Variants in FSHR observed in about 807,000 individuals in gnomAD.
FSHR encodes follicle stimulating hormone receptor.
Under a neutral mutation model 52.1 loss-of-function variants are expected in FSHR, and 46 were observed. The ratio of observed to expected loss-of-function variants is 0.88; its 90% CI spans 0.70 to 1.13. FSHR has a LOEUF of 1.13. FSHR is among the 50% of genes most tolerant of loss of function. The pLI is 0.00. For missense variants in FSHR, 964 were observed against 834.6 expected (o/e 1.16, Z -1.91); for synonymous variants, 399 against 309.6 (o/e 1.29, Z -3.03).
chr2:49,129,878 A>C (rs1672203730), intron 1 of FSHR, among the ~76,000 whole-genome samples: 1 of 152,184 alleles, frequency 6.6e-6, no homozygotes, highest in Admixed American at 6.6e-5. Context: ...AAACTTGATT[A>C]TTTTAAAATG....
At chr2:49,067,664 T>G (rs1423402520) in intron 2 of FSHR, among the ~76,000 whole-genome samples, 1 of 152,060 alleles carries the variant, frequency 6.6e-6, no homozygotes, top group Non-Finnish European at 1.5e-5. Context: ...AAACTCTAAA[T>G]TAGACTAGCG....
chr2:49,048,817 T>A (rs1400194278), intron 2 of FSHR, among the ~76,000 whole-genome samples: 2 of 152,140 alleles, frequency 1.3e-5, no homozygotes, highest in Non-Finnish European at 2.9e-5. Context: ...CCAGGGTGAA[T>A]CTGAGCACTG....
chr2:49,013,583 T>C (rs1667372140), intron 4 of FSHR, among the ~76,000 whole-genome samples: 1 of 147,890 alleles, frequency 6.8e-6, no homozygotes, highest in South Asian at 2.1e-4. Context: ...CAGGTAGAAG[T>C]GCCTTTGGAG....
At position 48,985,754 on chromosome 2, in the gene FSHR, C is replaced by T. The variant is rs950647063; in HGVS notation, c.525-2588G>A. Among the ~76,000 whole-genome samples, 22 of 117,328 alleles carry T rather than the reference C, an allele frequency of 1.9e-4. No individual in the cohort carries two copies. The East Asian group carries it at 2.5e-3, about 13-fold the overall frequency. The allele number at this position is 117,328 out of a possible 152,430, so 77.0% of individuals were successfully genotyped here. A position where few individuals can be genotyped will look rare whatever the true frequency, so the allele number is the denominator to read the frequency against. ...CGGAGTCTCGCTCTGTCGCCCAGGCCGGACTGCGGACTGCAGTGGCGCAAT... is the reference window on the plus strand; with the variant it reads ...CGGAGTCTCGCTCTGTCGCCCAGGCTGGACTGCGGACTGCAGTGGCGCAAT... On this transcript the variant is annotated intron_variant, in intron 6 of 9. Coordinates refer to ENST00000406846, the MANE Select transcript of FSHR (RefSeq NM_000145.4).
chr2:49,143,745 G>T (rs2103843938), intron 1 of FSHR, among the ~76,000 whole-genome samples: 1 of 152,236 alleles, frequency 6.6e-6, no homozygotes, highest in East Asian at 1.9e-4. Flanking sequence ...ATTAAAATCT[G>T]CATTCCACAA....
intron 2 of FSHR, among the ~76,000 whole-genome samples, chr2:49,021,842 TC>T (rs1558395177): frequency 9.2e-3 from 246 of 26,770 alleles, no homozygotes; most frequent in Admixed American, 0.027. Flanking sequence ...TCTCTCTCTC[TC>T]TCTCTCTCTC....
chr2:49,065,624 G>A (rs1284371599), intron 2 of FSHR, among the ~76,000 whole-genome samples: 1 of 152,098 alleles, frequency 6.6e-6, no homozygotes, highest in Non-Finnish European at 1.5e-5. Context: ...AGATGTAGAT[G>A]TTTAGGCATC....
At position 48,963,477 on chromosome 2, in the gene FSHR, G is replaced by A; in HGVS notation, c.1344C>T (p.Phe448=). The stretch of plus-strand genomic sequence containing the variant: ...CTGACAGCTCACTGGCAAAGACAGT[G>A]AAAAAGCCAGCAGCATCACAGCCTG... ...TGAGCDAAGF[F]TVFASELSVY... is the part of the protein sequence containing the mutation. The change falls in exon 10 of 10, where the codon TTC becomes TTT. Residue 448 remains phenylalanine, a synonymous_variant. Coordinates refer to ENST00000406846, the MANE Select transcript of FSHR (RefSeq NM_000145.4). 6.2e-7 allele frequency: 1 copy of A among 1,614,148 alleles called. No individual in the cohort carries two copies. The highest frequency in any genetic ancestry group is 8.5e-7 in the Non-Finnish European group (1 of 1,180,002).
intron 1 of FSHR, among the ~76,000 whole-genome samples, chr2:49,119,128 C>T (rs1400830442): frequency 6.6e-6 from 1 of 152,048 alleles, no homozygotes; most frequent in Admixed American, 6.6e-5. Context: ...TGACGTGGAC[C>T]CCGGAAATTT....
chr2:49,078,891 A>G (rs1235290558), intron 1 of FSHR, among the ~76,000 whole-genome samples: 1 of 152,172 alleles, frequency 6.6e-6, no homozygotes, highest in Non-Finnish European at 1.5e-5. Context: ...AAAGAAAAAG[A>G]TACGTCATAA....
At chr2:48,964,379 A>T (rs941780512) in intron 9 of FSHR, among the ~76,000 whole-genome samples, 2 of 152,212 alleles carry the variant, frequency 1.3e-5, no homozygotes, top group Admixed American at 6.5e-5. Flanking sequence ...TCACTGGAAG[A>T]TCCAGACTGT....
intron 2 of FSHR, among the ~76,000 whole-genome samples, chr2:49,063,848 T>A (rs1339077392): frequency 6.6e-6 from 1 of 152,112 alleles, no homozygotes; most frequent in Admixed American, 6.6e-5. Flanking sequence ...AACAAAGAAA[T>A]GATAAATATA....
At chr2:48,975,274 G>T (rs1674935635) in intron 8 of FSHR, among the ~76,000 whole-genome samples, 1 of 151,904 alleles carries the variant, frequency 6.6e-6, no homozygotes, top group Non-Finnish European at 1.5e-5. Context: ...TTGGACTCAG[G>T]GATTTGTACC....
intron 1 of FSHR, among the ~76,000 whole-genome samples, chr2:49,122,186 G>A (rs1671841071): frequency 6.6e-6 from 1 of 152,116 alleles, no homozygotes; most frequent in Non-Finnish European, 1.5e-5. Flanking sequence ...CATGTTCTGA[G>A]CATTTTCCTT....
intron 1 of FSHR, among the ~76,000 whole-genome samples, chr2:49,087,194 T>A (rs116142956): frequency 0.039 from 5,872 of 151,546 alleles, 164 homozygotes; most frequent in Middle Eastern, 0.058. Flanking sequence ...CACTTTCCAT[T>A]GGAGATCCTC....
chr2:49,048,704 C>A (rs1478200754), intron 2 of FSHR, among the ~76,000 whole-genome samples: 3 of 152,204 alleles, frequency 2.0e-5, no homozygotes, highest in South Asian at 4.1e-4. Context: ...GCTTCTCTAG[C>A]ATTTACCCCT....
intron 1 of FSHR, among the ~76,000 whole-genome samples, chr2:49,071,557 C>G (rs1669730854): frequency 6.6e-6 from 1 of 152,034 alleles, no homozygotes; most frequent in South Asian, 2.1e-4. Flanking sequence ...GCACAAAACA[C>G]AAGAAGGAAT....
intron 2 of FSHR, among the ~76,000 whole-genome samples, chr2:49,058,934 C>A (rs1170547672): frequency 6.6e-6 from 1 of 152,202 alleles, no homozygotes; most frequent in Admixed American, 6.5e-5. Context: ...CAGTTCTAGG[C>A]ACAGTGGCCC....
intron 1 of FSHR, among the ~76,000 whole-genome samples, chr2:49,124,645 T>A (rs1326032543): frequency 6.6e-6 from 1 of 152,160 alleles, no homozygotes; most frequent in Non-Finnish European, 1.5e-5. Flanking sequence ...AGTCTTGTTG[T>A]CACAACCTTC....
Sources: allele counts gnomAD v4.1 joint callset (sites outside exome capture counted in the v4.1 genomes callset), GRCh38; gene constraint gnomAD v4.1.1; transcripts MANE v1.5; gene names NCBI Gene and HGNC (gene_info 2026-07-23, HGNC 2026-07-21).